The following HORMAD2 variants were observed in gnomAD, a reference collection of about 807,000 sequenced individuals.
HORMAD2 encodes HORMA domain-containing protein 2.
In HORMAD2, 45 loss-of-function variants were observed where a neutral mutation model predicts 38.8. That is an observed-to-expected ratio of 1.16 (90% CI 0.91 to 1.49). The LOEUF (loss-of-function observed/expected upper bound fraction) is 1.49, where lower values mean the gene tolerates loss of function less well. Ranked by LOEUF, HORMAD2 falls within the 40% of genes most tolerant of loss-of-function variation. HORMAD2 has a pLI of 0.00. For missense variants in HORMAD2, 338 were observed against 367.0 expected, an observed-to-expected ratio of 0.92 and a Z score of 0.65; for synonymous variants, 126 against 122.8, an observed-to-expected ratio of 1.03 and a Z score of -0.17.
the HORMAD2 span, chr22:30,207,308 G>T: frequency 3.5e-6 from 1 of 284,868 alleles, no homozygotes; most frequent in Non-Finnish European, 7.2e-6. Flanking sequence ...ACACATGTCC[G>T]CATTCCAGGC....
intron 4 of HORMAD2, 73 bp from the exon 5 acceptor site, chr22:30,104,328 A>T: frequency 8.3e-7 from 1 of 1,201,230 alleles, no homozygotes; most frequent in Non-Finnish European, 1.2e-6. Flanking sequence ...AAAAGTGCAA[A>T]TGAATTCTGT....
intron 1 of HORMAD2, among the ~76,000 whole-genome samples, chr22:30,091,392 A>G (rs1231253059): frequency 6.6e-6 from 1 of 151,230 alleles, no homozygotes; most frequent in Non-Finnish European, 1.5e-5. Context: ...TAGCTTCCCA[A>G]GTAGCTGGGA....
Position 30,110,992 on chromosome 22 carries a change from C to A in HORMAD2, c.295-804C>A, listed in dbSNP as rs371644512. Among the ~76,000 whole-genome samples, 61 of 151,170 alleles carry A rather than the reference C, an allele frequency of 4.0e-4. 1 individual carries two copies. Among genetic ancestry groups the A allele is most frequent in the African/African-American group, 1.2e-3 (50 of 41,172 alleles). On this transcript the variant is annotated intron_variant, in intron 5 of 10. Coordinates refer to ENST00000336726, the MANE Select transcript of HORMAD2 (RefSeq NM_152510.4). ...CCAACATGGTGAAACCCTGTCTCTA[C>A]TAAAAATACAAAAATTAGCTGGGCG...
rs1001822871 is a variant in HORMAD2, at chr22:30,149,602, T to C, written c.820-26461T>C. On this transcript the variant is annotated intron_variant, in intron 10 of 10. Transcript: ENST00000336726. ...GATGTTTGCTCTCTCTGCCTGGTAT[T>C]GGGCTCTCATCCTGGAATTTCCTTT... 5.3e-5 allele frequency among the ~76,000 whole-genome samples: 8 copies of C among 152,322 alleles called. 1 individual carries two copies. The South Asian group carries it at 1.2e-3, about 24-fold the overall frequency.
chr22:30,177,333 A>G (rs753016347), downstream of HORMAD2, among the ~76,000 whole-genome samples: 18 of 152,344 alleles, frequency 1.2e-4, no homozygotes, highest in Middle Eastern at 6.8e-3. Context: ...GAATCTCTGT[A>G]GGAAAATCCC....
chr22:30,132,493 T>C (rs1363013191), intron 10 of HORMAD2, among the ~76,000 whole-genome samples: 1 of 150,344 alleles, frequency 6.7e-6, no homozygotes, highest in Non-Finnish European at 1.5e-5. Flanking sequence ...CTGAGATCAC[T>C]CAGGCTACTG....
intron 10 of HORMAD2, among the ~76,000 whole-genome samples, chr22:30,173,814 G>C (rs1035431747): frequency 1.3e-5 from 2 of 152,160 alleles, no homozygotes; most frequent in Non-Finnish European, 2.9e-5. Flanking sequence ...AACTTTAGGA[G>C]AACATTCAAG....
intron 3 of HORMAD2, 115 bp downstream of exon 3, chr22:30,099,108 C>T (rs964613924): frequency 4.9e-6 from 4 of 816,966 alleles, no homozygotes; most frequent in Non-Finnish European, 5.3e-6. Context: ...GCCTGTTCTT[C>T]AAGACCAATT....
At chr22:30,190,460 CAGT>C in the HORMAD2 span, among the ~76,000 whole-genome samples, 1 of 152,224 alleles carries the variant, frequency 6.6e-6, no homozygotes. Flanking sequence ...TTATCTCTTG[CAGT>C]TACTGGTGTA....
At chr22:30,199,575 C>A in the HORMAD2 span, among the ~76,000 whole-genome samples, 4 of 152,266 alleles carry the variant, frequency 2.6e-5, no homozygotes, top group Middle Eastern at 3.4e-3. Context: ...AGGTAACAGA[C>A]GTCAACTAGC....
intron 1 of HORMAD2, among the ~76,000 whole-genome samples, chr22:30,091,057 A>C (rs2068672642): frequency 6.6e-6 from 1 of 152,158 alleles, no homozygotes. Context: ...TTTAGCTCCC[A>C]GATGAGTGAG....
the HORMAD2 span, among the ~76,000 whole-genome samples, chr22:30,201,706 G>A: frequency 3.3e-5 from 5 of 152,056 alleles, no homozygotes; most frequent in South Asian, 2.1e-4. Context: ...GTGAGCCACC[G>A]TGCCCGGCAA....
the HORMAD2 span, among the ~76,000 whole-genome samples, chr22:30,194,883 A>G: frequency 6.6e-6 from 1 of 152,172 alleles, no homozygotes; most frequent in Non-Finnish European, 1.5e-5. Context: ...TCCCTGAACC[A>G]GTAGCAATTT....
Position 30,118,849 on chromosome 22 carries a change from A to G in HORMAD2, c.343-131A>G, listed in dbSNP as rs1440850703. The G allele has an allele frequency of 6.3e-6, 4 of 637,848 alleles. No homozygotes were observed. The East Asian group carries it at 8.7e-5, about 14-fold the overall frequency. 39.5% of individuals were successfully genotyped at this position (637,848 alleles called of 1,614,324 possible). ...AAATATTACTCTTGAATAATGTGAT[A>G]CTGTGAAACAAACAGCTATATAGGA... On this transcript the variant is annotated intron_variant, in intron 7 of 10. Coordinates refer to ENST00000336726, the MANE Select transcript of HORMAD2 (RefSeq NM_152510.4).
chr22:30,098,817 A>G, intron 2 of HORMAD2, 35 bp from the exon 3 acceptor site: 1 of 1,584,214 alleles, frequency 6.3e-7, no homozygotes, highest in Non-Finnish European at 8.6e-7. Context: ...ATATTAAATA[A>G]TACTAATCTT....
intron 5 of HORMAD2, among the ~76,000 whole-genome samples, 156 bp from the exon 6 acceptor site, chr22:30,111,640 T>G (rs1250713611): frequency 2.0e-5 from 3 of 152,228 alleles, no homozygotes; most frequent in Non-Finnish European, 2.9e-5. Flanking sequence ...TACTGAGGGA[T>G]GACTGTATCC....
rs951523063 is a variant in HORMAD2 at position 30,090,089 on chromosome 22, G to A, written c.-37-3827G>A. ...TTTTAAGATTGAATAGGGGTCGGGT[G>A]TGGTGGCTCATGCCTATAATCCCAG... On this transcript the variant is annotated intron_variant, in intron 1 of 10. Transcript: ENST00000336726. Among the ~76,000 whole-genome samples the A allele has an allele frequency of 2.0e-5, 3 of 152,326 alleles. No individual in the cohort carries two copies. In the East Asian group the frequency reaches 5.8e-4, roughly 29 times the overall value.
intron 5 of HORMAD2, chr22:30,105,238 G>T: frequency 6.1e-6 from 1 of 163,454 alleles, no homozygotes; most frequent in East Asian, 1.5e-4. Flanking sequence ...GCTACTCCAT[G>T]GGATGCTGCC....
chr22:30,103,237 G>A lies in HORMAD2; in HGVS notation c.194-200G>A, dbSNP rs188888318. 4.8e-3 allele frequency among the ~76,000 whole-genome samples: 724 copies of A among 152,190 alleles called. 8 individuals are homozygous for A. Among genetic ancestry groups the A allele is most frequent in the African/African-American group, 0.016 (684 of 41,538 alleles). On this transcript the variant is annotated intron_variant, in intron 3 of 10. Transcript: ENST00000336726. ...AAGGGGGAAAATCCTTACTGTAATC[G>A]AAATTGAGACCAAGCTACTTCTTAA...
Sources: allele counts gnomAD v4.1 joint callset (sites outside exome capture counted in the v4.1 genomes callset), GRCh38; gene constraint gnomAD v4.1.1; transcripts MANE v1.5; gene names NCBI Gene and HGNC (gene_info 2026-07-23, HGNC 2026-07-21).